Variants in ZNF804B observed in about 807,000 individuals in gnomAD.
ZNF804B encodes the protein zinc finger 804B.
ZNF804B carries 80 observed loss-of-function variants against 101.4 expected under a neutral mutation model. The observed-to-expected ratio is 0.79, with a 90% CI of 0.66 to 0.95. The LOEUF (loss-of-function observed/expected upper bound fraction) is 0.95, where lower values mean the gene tolerates loss of function less well. Among genes scored for constraint, ZNF804B ranks in the 40% least tolerant of loss-of-function variants. ZNF804B has a pLI of 0.00. For synonymous variants in ZNF804B, 622 were observed against 558.8 expected, an observed-to-expected ratio of 1.11 and a Z score of -1.59; for missense variants, 1,673 against 1,561.9, an observed-to-expected ratio of 1.07 and a Z score of -1.20.
At chr7:89,129,352 A>G (rs2116377192) in intron 1 of ZNF804B, among the ~76,000 whole-genome samples, 1 of 152,158 alleles carries the variant, frequency 6.6e-6, no homozygotes, top group Non-Finnish European at 1.5e-5. Flanking sequence ...AGTAAGTCCA[A>G]AATTAAAATC....
At chr7:89,025,075 T>C (rs1192092319) in intron 1 of ZNF804B, among the ~76,000 whole-genome samples, 1 of 152,110 alleles carries the variant, frequency 6.6e-6, no homozygotes, top group East Asian at 1.9e-4. Context: ...TCCAATTTTC[T>C]TTTCAAAGCT....
At chr7:88,878,496 T>A (rs1329518265) in intron 1 of ZNF804B, among the ~76,000 whole-genome samples, 1 of 152,202 alleles carries the variant, frequency 6.6e-6, no homozygotes, top group Non-Finnish European at 1.5e-5. Context: ...GTCTGCCTGA[T>A]GAGAATGGTA....
intron 1 of ZNF804B, among the ~76,000 whole-genome samples, chr7:88,919,284 G>A (rs1562831796): frequency 6.6e-6 from 1 of 152,062 alleles, no homozygotes; most frequent in African/African-American, 2.4e-5. Flanking sequence ...AAATATTTGT[G>A]ATTGAATTGA....
chr7:88,957,667 A>G lies in ZNF804B; in HGVS notation c.108+197583A>G, dbSNP rs1012096466. ...ATTGAGGAATTTGACTTTTAGGTGG[A>G]TGAGATTTTGAGAAAAAAAGTATTA... On this transcript the variant is annotated intron_variant, in intron 1 of 3. Transcript: ENST00000333190. 1.2e-4 allele frequency among the ~76,000 whole-genome samples: 18 copies of G among 151,302 alleles called. 1 individual carries two copies. In the Admixed American group the frequency reaches 1.2e-3, roughly 10 times the overall value.
At chr7:88,932,051 A>C (rs1792895054) in intron 1 of ZNF804B, among the ~76,000 whole-genome samples, 1 of 151,852 alleles carries the variant, frequency 6.6e-6, no homozygotes, top group South Asian at 2.1e-4. Context: ...AATGCATCTA[A>C]TGTAGGTTAA....
At chr7:89,072,049 T>A (rs1789551837) in intron 1 of ZNF804B, among the ~76,000 whole-genome samples, 1 of 152,030 alleles carries the variant, frequency 6.6e-6, no homozygotes, top group Non-Finnish European at 1.5e-5. Flanking sequence ...TTCTTCAGAG[T>A]TTTGACCTCG....
At chr7:88,952,864 A>G (rs547956797) in intron 1 of ZNF804B, among the ~76,000 whole-genome samples, 2 of 151,940 alleles carry the variant, frequency 1.3e-5, no homozygotes, top group Admixed American at 6.6e-5. Flanking sequence ...CACCTCACAC[A>G]TTGAATGGAT....
chr7:88,987,881 T>C (rs1188792427), intron 1 of ZNF804B, among the ~76,000 whole-genome samples: 1 of 152,016 alleles, frequency 6.6e-6, no homozygotes, highest in Non-Finnish European at 1.5e-5. Flanking sequence ...TTTGGACCCA[T>C]TAACCAAACC....
intron 1 of ZNF804B, among the ~76,000 whole-genome samples, chr7:88,852,336 G>T (rs1309204258): frequency 6.6e-6 from 1 of 152,048 alleles, no homozygotes; most frequent in Admixed American, 6.6e-5. Flanking sequence ...TTCGTTTGAG[G>T]ATATTTTACT....
rs535597457 is a variant in ZNF804B at position 88,919,787 on chromosome 7, G to A, written c.108+159703G>A. Among the ~76,000 whole-genome samples, 13 of 152,186 alleles carry A rather than the reference G, an allele frequency of 8.5e-5. No homozygotes were observed. In the East Asian group the frequency reaches 1.5e-3, roughly 18 times the overall value. On this transcript the variant is annotated intron_variant, in intron 1 of 3. Coordinates refer to ENST00000333190, the MANE Select transcript of ZNF804B (RefSeq NM_181646.5). ...TACTGTAATAATTCTGATTAACAGC[G>A]TAAGTTCTGAGACAGGCCTGATTCT... is the stretch of plus-strand genomic sequence containing the variant.
chr7:88,925,033 A>T (rs1792775685), intron 1 of ZNF804B, among the ~76,000 whole-genome samples: 1 of 152,204 alleles, frequency 6.6e-6, no homozygotes, highest in African/African-American at 2.4e-5. Context: ...ACTTTTAGTT[A>T]GGGCATTTCC....
chr7:88,816,092 C>T (rs1790871586), intron 1 of ZNF804B, among the ~76,000 whole-genome samples: 2 of 152,108 alleles, frequency 1.3e-5, no homozygotes. Flanking sequence ...AAATTTAACA[C>T]CCCTCATTGA....
chr7:88,942,644 C>G (rs1043415663), intron 1 of ZNF804B, among the ~76,000 whole-genome samples: 1 of 149,954 alleles, frequency 6.7e-6, no homozygotes, highest in Non-Finnish European at 1.5e-5. Context: ...TGAATGAATG[C>G]ATGAATAAAC....
At chr7:89,087,587 T>C (rs909140969) in intron 1 of ZNF804B, among the ~76,000 whole-genome samples, 5 of 152,024 alleles carry the variant, frequency 3.3e-5, no homozygotes, top group African/African-American at 1.2e-4. Context: ...ATTCATAGAT[T>C]CACCAGAAAA....
rs5885668 is a variant in ZNF804B, at chr7:89,224,755, A to AGT, written c.249+6475_249+6476dup. Among the ~76,000 whole-genome samples the AGT allele has an allele frequency of 1.1e-3, 156 of 143,122 alleles. 2 individuals are homozygous for AGT. Among genetic ancestry groups the AGT allele is most frequent in the African/African-American group, 2.5e-3 (95 of 38,468 alleles). 93.9% of individuals were successfully genotyped at this position (143,122 alleles called of 152,430 possible). Reference sequence around the variant, plus strand: ...GTGTGTGTGTGTGTGTGTGTGTATGAGTGTGTGTGTGTGTGTATCCTGGAA... The same window carrying AGT: ...GTGTGTGTGTGTGTGTGTGTGTATGAGTGTGTGTGTGTGTGTGTATCCTGGAA... On this transcript the variant is annotated intron_variant, in intron 2 of 3. Coordinates refer to ENST00000333190, the MANE Select transcript of ZNF804B (RefSeq NM_181646.5).
chr7:89,077,428 G>A (rs896303542), intron 1 of ZNF804B, among the ~76,000 whole-genome samples: 3 of 152,054 alleles, frequency 2.0e-5, no homozygotes, highest in Admixed American at 6.6e-5. Flanking sequence ...TTTTTTAACA[G>A]CCTTAATTAC....
rs373088120 is a variant in ZNF804B, at chr7:88,759,930, G to A, written c.-47G>A. On this transcript the variant is annotated 5_prime_UTR_variant, in exon 1 of 4. Transcript: ENST00000333190. ...AGAAACCCGCCCGCTTTCCACGGCT[G>A]GTCGCCTGGTGAGGAGTTGAGACTC... The A allele has an allele frequency of 1.5e-4, 234 of 1,543,002 alleles. 1 individual carries two copies. Among genetic ancestry groups the A allele is most frequent in the Non-Finnish European group, 2.0e-4 (224 of 1,117,444 alleles).
intron 1 of ZNF804B, among the ~76,000 whole-genome samples, chr7:88,889,716 T>C (rs1172128282): frequency 6.9e-6 from 1 of 144,218 alleles, no homozygotes; most frequent in African/African-American, 2.6e-5. Flanking sequence ...TTTACTGCCA[T>C]TCTGTAAGTT....
chr7:89,106,913 T>C (rs960986107), intron 1 of ZNF804B, among the ~76,000 whole-genome samples: 2 of 152,122 alleles, frequency 1.3e-5, no homozygotes, highest in African/African-American at 4.8e-5. Context: ...AGTAAGATGA[T>C]GAATTTGGTT....
Sources: gnomAD v4.1 joint callset for allele counts (sites outside exome capture counted in the v4.1 genomes callset) on GRCh38, gnomAD v4.1.1 for gene constraint, MANE v1.5 for transcripts, NCBI Gene and HGNC (gene_info 2026-07-23, HGNC 2026-07-21) for gene names.